The following OR2L2 variants were observed in gnomAD, a reference collection of about 807,000 sequenced individuals.
OR2L2 encodes olfactory receptor 2L2.
For synonymous variants in OR2L2, 156 were observed against 135.4 expected (o/e 1.15, Z -1.06); for missense variants, 378 against 375.2 (o/e 1.01, Z -0.06).
chr1:248,038,574 T>G lies in OR2L2; in HGVS notation c.307T>G (p.Phe103Val), dbSNP rs151223470. 2.4e-5 allele frequency: 38 copies of G among 1,614,102 alleles called. 1 individual carries two copies. The highest frequency in any genetic ancestry group is 5.1e-6 in the Non-Finnish European group (6 of 1,180,042). ...FTGCGIQSFF[F>V]LTLAVAEGLL... is the part of the protein sequence containing the mutation. ...TGGATGTGGGATTCAGAGTTTCTTC[T>G]TCTTGACTTTAGCAGTTGCAGAAGG... The change falls in exon 3 of 3, where the codon TTC (phenylalanine) becomes GTC (valine). Residue 103 changes from phenylalanine (F) to valine (V), a missense_variant. By Grantham distance (50) the Phe-to-Val change is conservative. Transcript: ENST00000641771.
intron 1 of OR2L2, among the ~76,000 whole-genome samples, chr1:248,030,800 G>A (rs1006437813): frequency 6.6e-6 from 1 of 152,028 alleles, no homozygotes; most frequent in Non-Finnish European, 1.5e-5. Flanking sequence ...ATGGAATCAC[G>A]GAACAATCCT....
At chr1:248,030,353 G>A (rs935019576) in intron 1 of OR2L2, 118 bp downstream of exon 1, 2 of 152,174 alleles carry the variant, frequency 1.3e-5, no homozygotes, top group Non-Finnish European at 1.5e-5. Flanking sequence ...CAGCACTAAT[G>A]ACTGTACTTT....
At chr1:248,031,689 C>A (rs925270190) in intron 1 of OR2L2, among the ~76,000 whole-genome samples, 48 of 152,162 alleles carry the variant, frequency 3.2e-4, no homozygotes, top group African/African-American at 1.2e-3. Flanking sequence ...GGTTCCTTCT[C>A]TAGAACTTTT....
rs755883322 is a variant in OR2L2, at chr1:248,038,589, G to A, written c.322G>A (p.Val108Ile). Residue 108 changes from valine to isoleucine, a missense_variant, in exon 3 of 3, where the codon GTT (valine) becomes ATT (isoleucine). Transcript: ENST00000641771. ...GAGTTTCTTCTTCTTGACTTTAGCA[G>A]TTGCAGAAGGGCTGCTCCTGACATC... ...IQSFFFLTLA[V>I]AEGLLLTSMA... is the part of the protein sequence containing the mutation. The A allele has an allele frequency of 4.1e-5, 66 of 1,614,066 alleles. No individual in the cohort carries two copies. The South Asian group carries it at 6.6e-4, about 16-fold the overall frequency.
In OR2L2 at chr1:248,035,347, G is replaced by T. The variant is rs183584043; in HGVS notation, c.-96-203G>T. The stretch of plus-strand genomic sequence containing the variant: ...GCCTGTAGTCCCAGCTACTTGAGAG[G>T]CTGAGGCAGGAGAATGGAGTGAACC... On this transcript the variant is annotated intron_variant, in intron 1 of 2. Transcript: ENST00000641771. 3.3e-5 allele frequency among the ~76,000 whole-genome samples: 5 copies of T among 152,182 alleles called. No individual in the cohort carries two copies. In the East Asian group the frequency reaches 9.7e-4, roughly 29 times the overall value.
At position 248,037,714 on chromosome 1, in the gene OR2L2, A is replaced by C. The variant is rs80233321; in HGVS notation, c.-21-533A>C. Among the ~76,000 whole-genome samples the C allele has an allele frequency of 5.1e-3, 777 of 152,334 alleles. 6 individuals carry two copies. Among genetic ancestry groups the C allele is most frequent in the African/African-American group, 0.017 (701 of 41,578 alleles). ...GATTTTTAAAAACAATTGGCTTACT[A>C]TTCTATAAGTAGTCCCCTCTCATTC... On this transcript the variant is annotated intron_variant, in intron 2 of 2. Coordinates refer to ENST00000641771, the MANE Select transcript of OR2L2 (RefSeq NM_001385855.1).
rs1662826851 is a variant in OR2L2, at chr1:248,038,409, A to G, written c.142A>G (p.Ile48Val). ...LIGNLSMILLIFLDIHLHTPM... is the reference protein window; with the variant it reads ...LIGNLSMILLVFLDIHLHTPM... ...TGGAAATCTATCCATGATTCTTCTCATCTTTTTGGACATCCATCTCCACAC... is the reference window on the plus strand; with the variant it reads ...TGGAAATCTATCCATGATTCTTCTCGTCTTTTTGGACATCCATCTCCACAC... The change falls in exon 3 of 3, where the codon ATC (isoleucine) becomes GTC (valine). Residue 48 changes from isoleucine (I) to valine (V), a missense_variant. Ile to Val is a conservative substitution (Grantham distance 29). Transcript: ENST00000641771. 15 of 1,613,718 alleles carry G rather than the reference A, an allele frequency of 9.3e-6. No homozygotes were observed. The East Asian group carries it at 3.3e-4, about 36-fold the overall frequency.
At chr1:248,034,927 A>ATTAT (rs1313394244) in intron 1 of OR2L2, among the ~76,000 whole-genome samples, 1 of 152,216 alleles carries the variant, frequency 6.6e-6, no homozygotes, top group African/African-American at 2.4e-5. Flanking sequence ...TATTGTGTTA[A>ATTAT]TTATTTATAA....
chr1:248,030,589 G>T (rs761438587), intron 1 of OR2L2, among the ~76,000 whole-genome samples: 6 of 152,092 alleles, frequency 3.9e-5, no homozygotes, highest in Admixed American at 6.6e-5. Context: ...GTACCTACTT[G>T]GTTGGTGTTT....
At chr1:248,031,155 A>G (rs2103087787) in intron 1 of OR2L2, among the ~76,000 whole-genome samples, 1 of 152,346 alleles carries the variant, frequency 6.6e-6, no homozygotes, top group African/African-American at 2.4e-5. Context: ...CATTACTGAA[A>G]CAGATGTATA....
In OR2L2 at chr1:248,038,576, C is replaced by T. The variant is rs1309991132; in HGVS notation, c.309C>T (p.Phe103=). Residue 103 remains phenylalanine (F), a synonymous_variant, in exon 3 of 3, where the codon TTC becomes TTT. Coordinates refer to ENST00000641771, the MANE Select transcript of OR2L2 (RefSeq NM_001385855.1). ...GATGTGGGATTCAGAGTTTCTTCTT[C>T]TTGACTTTAGCAGTTGCAGAAGGGC... is the stretch of plus-strand genomic sequence containing the variant. ...FTGCGIQSFF[F]LTLAVAEGLL... is the part of the protein sequence containing the mutation. 6.2e-7 allele frequency: 1 copy of T among 1,614,166 alleles called. No individual in the cohort carries two copies. Among genetic ancestry groups the T allele is most frequent in the Admixed American group, 1.7e-5 (1 of 60,016 alleles).
chr1:248,036,892 A>T (rs1662777865), intron 2 of OR2L2, among the ~76,000 whole-genome samples: 1 of 152,194 alleles, frequency 6.6e-6, no homozygotes, highest in South Asian at 2.1e-4. Flanking sequence ...TGATAAATAT[A>T]CTTATGATCC....
rs1356846032 is a variant in OR2L2 at position 248,040,598 on chromosome 1, T to G, written c.*1392T>G. The G allele has an allele frequency of 6.6e-6, 1 of 152,184 alleles. No individual in the cohort carries two copies. The highest frequency in any genetic ancestry group is 1.5e-5 in the Non-Finnish European group (1 of 68,034). The allele number at this position is 152,184 out of a possible 1,614,324, so 9.4% of individuals were successfully genotyped here. On this transcript the variant is annotated 3_prime_UTR_variant, in exon 3 of 3. Transcript: ENST00000641771. The stretch of plus-strand genomic sequence containing the variant: ...TATCCCTAAATAAATAGTAAACATA[T>G]TTTCTCTTTCTGATGATTTTCTCAA...
intron 2 of OR2L2, 32 bp from the exon 3 acceptor site, chr1:248,038,215 T>C: frequency 1.6e-6 from 2 of 1,269,192 alleles, no homozygotes; most frequent in South Asian, 1.4e-5. Context: ...AGTGAATTAC[T>C]GTTCTTAATT....
chr1:248,031,586 G>A (rs1338894385), intron 1 of OR2L2, among the ~76,000 whole-genome samples: 2 of 152,106 alleles, frequency 1.3e-5, no homozygotes, highest in Admixed American at 6.6e-5. Context: ...TCTATCCAAT[G>A]GTCTGGCTGG....
In OR2L2 at chr1:248,039,130, T is replaced by C. The variant is rs1176414672; in HGVS notation, c.863T>C (p.Ile288Thr). 6.2e-7 allele frequency: 1 copy of C among 1,614,006 alleles called. No homozygotes were observed. Among genetic ancestry groups the C allele is most frequent in the South Asian group, 1.1e-5 (1 of 91,054 alleles). Residue 288 changes from isoleucine (I) to threonine (T), a missense_variant, in exon 3 of 3, where the codon ATC becomes ACC. Physicochemically the swap from Ile to Thr is moderately conservative, Grantham distance 89. Transcript: ENST00000641771. ...TILTPMLNPI[I>T]YSLRNKEVMG... ...CTCACCCCAATGCTCAACCCCATCATCTACAGCCTGAGAAACAAGGAGGTG... is the reference window on the plus strand; with the variant it reads ...CTCACCCCAATGCTCAACCCCATCACCTACAGCCTGAGAAACAAGGAGGTG...
At position 248,039,114 on chromosome 1, in the gene OR2L2, A is replaced by G. The variant is rs146013990; in HGVS notation, c.847A>G (p.Met283Val). 250 of 1,614,046 alleles carry G rather than the reference A, an allele frequency of 1.5e-4. No homozygotes were observed. The highest frequency in any genetic ancestry group is 1.9e-4 in the Non-Finnish European group (223 of 1,179,986). Residue 283 changes from methionine (M) to valine (V), a missense_variant, in exon 3 of 3, where the codon ATG (methionine) becomes GTG (valine). Coordinates refer to ENST00000641771, the MANE Select transcript of OR2L2 (RefSeq NM_001385855.1). Reference protein sequence around the residue: ...LAVFYTILTPMLNPIIYSLRN... With the variant: ...LAVFYTILTPVLNPIIYSLRN... Reference sequence around the variant, plus strand: ...TGTTTTCTACACCATCCTCACCCCAATGCTCAACCCCATCATCTACAGCCT... The same window carrying G: ...TGTTTTCTACACCATCCTCACCCCAGTGCTCAACCCCATCATCTACAGCCT...
chr1:248,034,087 G>A (rs1294826668), intron 1 of OR2L2, among the ~76,000 whole-genome samples: 1 of 152,116 alleles, frequency 6.6e-6, no homozygotes. Context: ...AACTGCTTAG[G>A]AATATACCTA....
chr1:248,041,157 A>C lies in OR2L2; in HGVS notation c.*1951A>C, dbSNP rs1208163398. On this transcript the variant is annotated 3_prime_UTR_variant, in exon 3 of 3. Coordinates refer to ENST00000641771, the MANE Select transcript of OR2L2 (RefSeq NM_001385855.1). ...AACAGCATGGTACTGGTACCAAAAC[A>C]GAAATATAGATCAATGCAACAGAAC... The C allele has an allele frequency of 6.6e-6, 1 of 152,228 alleles. No homozygotes were observed. Among genetic ancestry groups the C allele is most frequent in the Non-Finnish European group, 1.5e-5 (1 of 68,042 alleles). 9.4% of individuals were successfully genotyped at this position (152,228 alleles called of 1,614,324 possible). A position where few individuals can be genotyped will look rare whatever the true frequency, so the allele number is the denominator to read the frequency against.
Sources: allele counts gnomAD v4.1 joint callset (sites outside exome capture counted in the v4.1 genomes callset), GRCh38; gene constraint gnomAD v4.1.1; transcripts MANE v1.5; gene names NCBI Gene and HGNC (gene_info 2026-07-23, HGNC 2026-07-21).